RCOR1: variants seen among roughly 807,000 people sequenced by gnomAD.
The protein encoded by RCOR1 is REST corepressor.
Under a neutral mutation model 64.0 loss-of-function variants are expected in RCOR1, and 12 were observed. The ratio of observed to expected loss-of-function variants is 0.19; its 90% CI spans 0.12 to 0.30. The LOEUF is 0.30. Ranked by LOEUF, RCOR1 falls within the 10% of genes least tolerant of loss-of-function variation. The pLI is 1.00. For synonymous variants in RCOR1, 279 were observed against 227.2 expected, an observed-to-expected ratio of 1.23 and a Z score of -2.05; for missense variants, 502 against 621.2, an observed-to-expected ratio of 0.81 and a Z score of 2.04.
intron 2 of RCOR1, among the ~76,000 whole-genome samples, chr14:102,651,552 C>CAA (rs1157635431): frequency 5.2e-5 from 6 of 114,712 alleles, no homozygotes; most frequent in African/African-American, 1.6e-4. Flanking sequence ...GACTCCATCT[C>CAA]AAAAAAAAAA....
chr14:102,726,554 G>A lies in RCOR1; in HGVS notation c.*48G>A, dbSNP rs539742580. The A allele has an allele frequency of 4.7e-5, 71 of 1,503,854 alleles. No individual in the cohort carries two copies. In the South Asian group the frequency reaches 7.8e-4, roughly 17 times the overall value. 93.2% of individuals were successfully genotyped at this position (1,503,854 alleles called of 1,614,324 possible). A position where few individuals can be genotyped will look rare whatever the true frequency, so the allele number is the denominator to read the frequency against. On this transcript the variant is annotated 3_prime_UTR_variant, in exon 12 of 12. Transcript: ENST00000262241. Reference sequence around the variant, plus strand: ...TGGTGTGGACTACTGTGTTATCCGGGATATCAGGTATTATGAGACATCACC... The same window carrying A: ...TGGTGTGGACTACTGTGTTATCCGGAATATCAGGTATTATGAGACATCACC...
intron 7 of RCOR1, among the ~76,000 whole-genome samples, chr14:102,713,361 C>A (rs1896000152): frequency 6.6e-6 from 1 of 150,806 alleles, no homozygotes; most frequent in African/African-American, 2.4e-5. Context: ...CAGGTTCATG[C>A]CATTCTCCTG....
intron 2 of RCOR1, among the ~76,000 whole-genome samples, chr14:102,625,858 A>G (rs1203189134): frequency 6.6e-6 from 1 of 152,152 alleles, no homozygotes; most frequent in Non-Finnish European, 1.5e-5. Context: ...TATTCTTCCC[A>G]GAGCCGCTGT....
intron 2 of RCOR1, among the ~76,000 whole-genome samples, chr14:102,645,646 T>C (rs1458120327): frequency 6.6e-6 from 1 of 152,190 alleles, no homozygotes; most frequent in Non-Finnish European, 1.5e-5. Context: ...TGTTGCAGCA[T>C]CTCACTTCCA....
intron 3 of RCOR1, among the ~76,000 whole-genome samples, chr14:102,684,023 C>T (rs1176862664): frequency 6.6e-6 from 1 of 152,250 alleles, no homozygotes; most frequent in African/African-American, 2.4e-5. Context: ...CGTATCCCGC[C>T]TCTCTGCCTC....
chr14:102,606,228 A>G (rs925553989), intron 2 of RCOR1, among the ~76,000 whole-genome samples: 1 of 152,004 alleles, frequency 6.6e-6, no homozygotes. Context: ...GCCCGGCCTA[A>G]TTTTTGTATT....
intron 2 of RCOR1, among the ~76,000 whole-genome samples, chr14:102,636,767 C>G (rs1186447337): frequency 6.6e-6 from 1 of 151,588 alleles, no homozygotes; most frequent in African/African-American, 2.4e-5. Flanking sequence ...GTCAGGAGTT[C>G]GAGACCAGCC....
intron 2 of RCOR1, among the ~76,000 whole-genome samples, chr14:102,679,713 C>T (rs958217463): frequency 6.6e-6 from 1 of 152,182 alleles, no homozygotes; most frequent in African/African-American, 2.4e-5. Flanking sequence ...CCCCTGACTT[C>T]ATGATCCTCC....
At chr14:102,691,796 G>C (rs777787092) in intron 3 of RCOR1, among the ~76,000 whole-genome samples, 1 of 152,128 alleles carries the variant, frequency 6.6e-6, no homozygotes, top group Non-Finnish European at 1.5e-5. Flanking sequence ...ACAGAAAAAC[G>C]TTTCATTGTG....
chr14:102,681,788 C>G (rs939077778), intron 2 of RCOR1, 107 bp from the exon 3 acceptor site: 1 of 761,768 alleles, frequency 1.3e-6, no homozygotes, highest in Admixed American at 2.2e-5. Flanking sequence ...GCCCATTGGG[C>G]CAGATACAGG....
At chr14:102,638,664 T>C (rs1376710439) in intron 2 of RCOR1, among the ~76,000 whole-genome samples, 1 of 150,032 alleles carries the variant, frequency 6.7e-6, no homozygotes, top group Non-Finnish European at 1.5e-5. Flanking sequence ...TGTTTTTTTT[T>C]CTTTTCTTTT....
intron 2 of RCOR1, among the ~76,000 whole-genome samples, chr14:102,661,322 TG>T: frequency 6.6e-6 from 1 of 152,276 alleles, no homozygotes; most frequent in Non-Finnish European, 1.5e-5. Context: ...CACTCCAGCC[TG>T]GGCAACAGGG....
chr14:102,617,762 G>A (rs1893791674), intron 2 of RCOR1, among the ~76,000 whole-genome samples: 1 of 151,520 alleles, frequency 6.6e-6, no homozygotes, highest in African/African-American at 2.4e-5. Flanking sequence ...GCTAATTTTT[G>A]TATTTTTAGT....
At chr14:102,614,896 ATC>A (rs1408828980) in intron 2 of RCOR1, among the ~76,000 whole-genome samples, 4 of 149,908 alleles carry the variant, frequency 2.7e-5, no homozygotes, top group Non-Finnish European at 3.0e-5. Flanking sequence ...CAGTGGCGTG[ATC>A]TCGGCTCACT....
intron 4 of RCOR1, among the ~76,000 whole-genome samples, chr14:102,705,051 A>T (rs968123542): frequency 8.5e-5 from 13 of 152,140 alleles, no homozygotes; most frequent in African/African-American, 2.9e-4. Flanking sequence ...GCGTGAGCCT[A>T]GAAGGCAGAG....
At chr14:102,665,020 G>GT (rs1204404477) in intron 2 of RCOR1, among the ~76,000 whole-genome samples, 1 of 151,118 alleles carries the variant, frequency 6.6e-6, no homozygotes, top group South Asian at 2.1e-4. Context: ...TTTTTTTGTT[G>GT]TTTTTTGGAG....
At chr14:102,708,136 T>G (rs1240989128) in intron 5 of RCOR1, among the ~76,000 whole-genome samples, 1 of 152,104 alleles carries the variant, frequency 6.6e-6, no homozygotes, top group Non-Finnish European at 1.5e-5. Flanking sequence ...CGGCTAATTT[T>G]TTGTATTTTT....
At chr14:102,620,112 G>C (rs1400166934) in intron 2 of RCOR1, among the ~76,000 whole-genome samples, 2 of 152,068 alleles carry the variant, frequency 1.3e-5, no homozygotes, top group African/African-American at 4.8e-5. Flanking sequence ...CTGTTAGGCT[G>C]GGTGCAGTGA....
chr14:102,687,172 C>A (rs1194057188), intron 3 of RCOR1, among the ~76,000 whole-genome samples: 1 of 152,176 alleles, frequency 6.6e-6, no homozygotes, highest in African/African-American at 2.4e-5. Context: ...GTTCAGGAAT[C>A]TCATACTGTA....
Sources: gnomAD v4.1 joint callset for allele counts (sites outside exome capture counted in the v4.1 genomes callset) on GRCh38, gnomAD v4.1.1 for gene constraint, MANE v1.5 for transcripts, NCBI Gene and HGNC (gene_info 2026-07-23, HGNC 2026-07-21) for gene names.